ABTB2: variants seen among roughly 807,000 people sequenced by gnomAD.
ABTB2 encodes the protein ankyrin repeat and BTB/POZ domain-containing protein 2.
Under a neutral mutation model 104.1 loss-of-function variants are expected in ABTB2, and 56 were observed. The ratio of observed to expected loss-of-function variants is 0.54; its 90% CI spans 0.43 to 0.67. The LOEUF (loss-of-function observed/expected upper bound fraction) is 0.67, where lower values mean the gene tolerates loss of function less well. Ranked by LOEUF, ABTB2 falls within the 30% of genes least tolerant of loss-of-function variation. ABTB2 has a pLI of 0.00. For missense variants in ABTB2, 1,279 were observed against 1,407.7 expected (o/e 0.91, Z 1.46); for synonymous variants, 606 against 608.2 (o/e 1.00, Z 0.05).
At chr11:34,226,130 A>G (rs983954871) in intron 1 of ABTB2, among the ~76,000 whole-genome samples, 1 of 143,824 alleles carries the variant, frequency 7.0e-6, no homozygotes, top group Non-Finnish European at 1.5e-5. Context: ...TGAGCCTGGG[A>G]GGCAGAGATT....
chr11:34,160,852 TG>T (rs1852708323), intron 11 of ABTB2, 50 bp downstream of exon 11: 1 of 1,544,414 alleles, frequency 6.5e-7, no homozygotes, highest in Non-Finnish European at 8.8e-7. Context: ...GTGTGTCCCG[TG>T]GTCTGAGTCT....
chr11:34,162,522 G>A (rs781514609), intron 10 of ABTB2, 54 bp downstream of exon 10: 109 of 1,558,578 alleles, frequency 7.0e-5, no homozygotes, highest in Middle Eastern at 1.7e-4. Context: ...GGGAGTGACC[G>A]TGTGTGTCCA....
At chr11:34,315,109 G>A (rs963435086) in intron 1 of ABTB2, among the ~76,000 whole-genome samples, 3 of 152,234 alleles carry the variant, frequency 2.0e-5, no homozygotes, top group African/African-American at 7.2e-5. Context: ...CTGCACTCGC[G>A]CGAGCCTGCC....
chr11:34,214,716 T>C (rs1472212640), intron 1 of ABTB2, among the ~76,000 whole-genome samples: 3 of 152,084 alleles, frequency 2.0e-5, no homozygotes, highest in African/African-American at 7.2e-5. Context: ...AAACTATCGC[T>C]ATTATCTTGT....
rs1353288131 is a variant in ABTB2, at chr11:34,248,097, A to T, written c.884-43407T>A. Among the ~76,000 whole-genome samples the T allele has an allele frequency of 1.6e-3, 83 of 51,042 alleles. 1 individual carries two copies. The highest frequency in any genetic ancestry group is 2.6e-3 in the Non-Finnish European group (73 of 27,552). 33.5% of individuals were successfully genotyped at this position (51,042 alleles called of 152,430 possible). On this transcript the variant is annotated intron_variant, in intron 1 of 16. Transcript: ENST00000435224. ...AATTTACTTATCTATAATTTTTCTTAAAAAAAAAAAAAAAAAAAAAAAAAA... is the reference window on the plus strand; with the variant it reads ...AATTTACTTATCTATAATTTTTCTTTAAAAAAAAAAAAAAAAAAAAAAAAA...
rs1337856078 is a variant in ABTB2 at position 34,160,357 on chromosome 11, T to TG, written c.2398-5dup. On this transcript the variant is annotated splice_polypyrimidine_tract_variant and splice_region_variant and intron_variant, in intron 11 of 16. Coordinates refer to ENST00000435224, the MANE Select transcript of ABTB2 (RefSeq NM_145804.3). ...GTTGCTGGATGACGGAGTCGTTCTG[T>TG]GGGGAGAGGAGAGAGGGCCTGTGAG... 6.8e-6 allele frequency: 11 copies of TG among 1,611,512 alleles called. No individual in the cohort carries two copies. Among genetic ancestry groups the TG allele is most frequent in the Non-Finnish European group, 9.3e-6 (11 of 1,177,986 alleles).
At chr11:34,270,497 A>G (rs1854301597) in intron 1 of ABTB2, among the ~76,000 whole-genome samples, 1 of 151,474 alleles carries the variant, frequency 6.6e-6, no homozygotes, top group Non-Finnish European at 1.5e-5. Context: ...CTACCACCAC[A>G]CCTAGCCAAT....
chr11:34,293,972 G>A (rs1240041489), intron 1 of ABTB2, among the ~76,000 whole-genome samples: 1 of 152,162 alleles, frequency 6.6e-6, no homozygotes. Context: ...GGGAATCTGG[G>A]TAAATGAAGT....
chr11:34,329,767 T>A (rs1341652432), intron 1 of ABTB2, among the ~76,000 whole-genome samples: 1 of 152,216 alleles, frequency 6.6e-6, no homozygotes. Flanking sequence ...AAGGTACCAG[T>A]GAACCTCTGA....
At chr11:34,321,562 C>T (rs1441202260) in intron 1 of ABTB2, among the ~76,000 whole-genome samples, 1 of 152,188 alleles carries the variant, frequency 6.6e-6, no homozygotes, top group South Asian at 2.1e-4. Context: ...ACAGCCAGGG[C>T]GTTATTGTCT....
In ABTB2 at chr11:34,197,493, G is replaced by A. The variant is rs775443170; in HGVS notation, c.1076C>T (p.Pro359Leu). 59 of 1,581,174 alleles carry A rather than the reference G, an allele frequency of 3.7e-5. No homozygotes were observed. The highest frequency in any genetic ancestry group is 5.0e-5 in the Non-Finnish European group (58 of 1,166,504). Residue 359 changes from proline to leucine, a missense_variant, in exon 3 of 17, where the codon CCC (proline) becomes CTC (leucine). Pro to Leu is a moderately conservative substitution (Grantham distance 98). Transcript: ENST00000435224. ...GGCAGGGCTGGCACCCGGGCACAGG[G>A]GGTGACGCCCCTGCATGTGGTGCAT... Reference protein sequence around the residue: ...RAMHHMQGRHPLCPGASPARQ... With the variant: ...RAMHHMQGRHLLCPGASPARQ...
intron 3 of ABTB2, among the ~76,000 whole-genome samples, chr11:34,178,948 C>A (rs1428936510): frequency 6.6e-6 from 1 of 151,992 alleles, no homozygotes; most frequent in Non-Finnish European, 1.5e-5. Flanking sequence ...TGGTGGCACA[C>A]ACCTGTAGTC....
intron 1 of ABTB2, among the ~76,000 whole-genome samples, chr11:34,307,445 C>T (rs1219558549): frequency 2.0e-5 from 3 of 152,232 alleles, no homozygotes; most frequent in Admixed American, 2.0e-4. Context: ...GAACAGCTCA[C>T]ACCCCCAGCA....
At chr11:34,171,891 G>A (rs865781062) in intron 4 of ABTB2, among the ~76,000 whole-genome samples, 14 of 152,276 alleles carry the variant, frequency 9.2e-5, no homozygotes, top group Middle Eastern at 3.4e-3. Flanking sequence ...TGCAATCAAC[G>A]CAACCTACAA....
In ABTB2 at chr11:34,278,746, G is replaced by A. The variant is rs1259634161; in HGVS notation, c.884-74056C>T. On this transcript the variant is annotated intron_variant, in intron 1 of 16. Coordinates refer to ENST00000435224, the MANE Select transcript of ABTB2 (RefSeq NM_145804.3). ...CAGGTCTCCAAAATGTCCAACACCC[G>A]GGTAGGAGTGGGCATTTCACTGGCG... Among the ~76,000 whole-genome samples the A allele has an allele frequency of 5.9e-5, 9 of 152,256 alleles. No homozygotes were observed. In the South Asian group the frequency reaches 8.3e-4, roughly 14 times the overall value.
At chr11:34,273,366 C>T (rs904550323) in intron 1 of ABTB2, among the ~76,000 whole-genome samples, 1 of 152,176 alleles carries the variant, frequency 6.6e-6, no homozygotes, top group Non-Finnish European at 1.5e-5. Context: ...TCTTGCAAGG[C>T]CCGGGGTCTC....
chr11:34,322,233 T>A (rs1855013334), intron 1 of ABTB2, among the ~76,000 whole-genome samples: 1 of 152,178 alleles, frequency 6.6e-6, no homozygotes, highest in South Asian at 2.1e-4. Context: ...CAGACCTTGT[T>A]TAGAATCTGA....
chr11:34,209,754 T>G (rs1463472157), intron 1 of ABTB2, among the ~76,000 whole-genome samples: 5 of 11,304 alleles, frequency 4.4e-4, no homozygotes, highest in African/African-American at 1.4e-3. Flanking sequence ...GGGGTAGGGG[T>G]GGGGGTAGGG....
chr11:34,222,361 C>T (rs956879848), intron 1 of ABTB2, among the ~76,000 whole-genome samples: 18 of 152,272 alleles, frequency 1.2e-4, no homozygotes, highest in African/African-American at 4.1e-4. Context: ...TGTCCAACCC[C>T]ACTTCCATTC....
Sources: gnomAD v4.1 joint callset for allele counts (sites outside exome capture counted in the v4.1 genomes callset) on GRCh38, gnomAD v4.1.1 for gene constraint, MANE v1.5 for transcripts, NCBI Gene and HGNC (gene_info 2026-07-23, HGNC 2026-07-21) for gene names.